Variants in CYB5R3 observed in about 807,000 individuals in gnomAD.
CYB5R3 encodes the protein NADH-cytochrome b5 reductase 3.
CYB5R3 carries 28 observed loss-of-function variants against 36.5 expected under a neutral mutation model. The ratio of observed to expected loss-of-function variants is 0.77; its 90% CI spans 0.57 to 1.05. The LOEUF (loss-of-function observed/expected upper bound fraction) is 1.05. CYB5R3 is among the 50% of genes least tolerant of loss of function. The pLI is 0.00. For missense variants in CYB5R3, 474 were observed against 408.9 expected, an observed-to-expected ratio of 1.16 and a Z score of -1.37; for synonymous variants, 181 against 159.8, an observed-to-expected ratio of 1.13 and a Z score of -1.00.
In CYB5R3 at chr22:42,649,359, G is replaced by A. The variant is rs1405166904; in HGVS notation, c.-44C>T. 4.9e-6 allele frequency: 4 copies of A among 822,366 alleles called. No individual in the cohort carries two copies. The highest frequency in any genetic ancestry group is 5.1e-5 in the Admixed American group (1 of 19,740). 50.9% of individuals were successfully genotyped at this position (822,366 alleles called of 1,614,324 possible). On this transcript the variant is annotated 5_prime_UTR_variant, in exon 1 of 9. Transcript: ENST00000352397. Reference sequence around the variant, plus strand: ...TCGCTCTGTCGCCGCCGCCGCCGCCGCCGAGACCGTCGCGCCCGGGCCCGC... The same window carrying A: ...TCGCTCTGTCGCCGCCGCCGCCGCCACCGAGACCGTCGCGCCCGGGCCCGC...
At chr22:42,640,812 C>G (rs1466664181) in intron 1 of CYB5R3, among the ~76,000 whole-genome samples, 2 of 152,264 alleles carry the variant, frequency 1.3e-5, no homozygotes, top group East Asian at 3.9e-4. Flanking sequence ...GATCCACTTC[C>G]TCTTAATGAA....
At position 42,631,433 on chromosome 22, in the gene CYB5R3, G is replaced by A. The variant is rs1601938622; in HGVS notation, c.171C>T (p.Thr57=). The change falls in exon 3 of 9, where the codon ACC becomes ACT. Residue 57 remains threonine (T), a synonymous_variant. Coordinates refer to ENST00000352397, the MANE Select transcript of CYB5R3 (RefSeq NM_000398.7). ...LIDREIISHD[T]RRFRFALPSP... ...ACGGCAGGGCAAAGCGGAAGCGCCGGGTGTCATGGCTGATGATCTGGAGAG... is the reference window on the plus strand; with the variant it reads ...ACGGCAGGGCAAAGCGGAAGCGCCGAGTGTCATGGCTGATGATCTGGAGAG... 6.4e-7 allele frequency: 1 copy of A among 1,551,626 alleles called. No homozygotes were observed. The highest frequency in any genetic ancestry group is 8.7e-7 in the Non-Finnish European group (1 of 1,146,968).
intron 7 of CYB5R3, among the ~76,000 whole-genome samples, chr22:42,624,823 G>T (rs979848760): frequency 3.9e-5 from 6 of 152,124 alleles, no homozygotes; most frequent in African/African-American, 1.4e-4. Context: ...CTCTCCCCAG[G>T]AGGCAGCCAC....
chr22:42,630,974 G>A lies in CYB5R3; in HGVS notation c.241C>T (p.Leu81Phe). ...LGLPVGQHIY[L>F]SARIDGNLVV... ...AGGTTTCCATCAATTCGAGCCGAGA[G>A]GTAGATGTGCTGGCCTGCAGGACAG... The change falls in exon 4 of 9, where the codon CTC becomes TTC. Residue 81 changes from leucine to phenylalanine, a missense_variant. Coordinates refer to ENST00000352397, the MANE Select transcript of CYB5R3 (RefSeq NM_000398.7). 6.2e-7 allele frequency: 1 copy of A among 1,613,948 alleles called. No homozygotes were observed. Among genetic ancestry groups the A allele is most frequent in the Non-Finnish European group, 8.5e-7 (1 of 1,179,950 alleles).
intron 1 of CYB5R3, among the ~76,000 whole-genome samples, chr22:42,639,593 A>T (rs987992532): frequency 2.0e-5 from 3 of 151,378 alleles, no homozygotes; most frequent in African/African-American, 2.4e-5. Flanking sequence ...ATGCCACTGG[A>T]CTCCAGCCTG....
At chr22:42,639,434 C>A (rs923652244) in intron 1 of CYB5R3, among the ~76,000 whole-genome samples, 1 of 152,026 alleles carries the variant, frequency 6.6e-6, no homozygotes, top group Non-Finnish European at 1.5e-5. Context: ...TGGAGACCAG[C>A]CTGGACAACA....
At position 42,639,335 on chromosome 22, in the gene CYB5R3, AAGT is replaced by A. The variant is rs796639992; in HGVS notation, c.22-2492_22-2490del. Among the ~76,000 whole-genome samples, 465 of 137,680 alleles carry A rather than the reference AAGT, an allele frequency of 3.4e-3. 4 individuals are homozygous for A. Among genetic ancestry groups the A allele is most frequent in the Non-Finnish European group, 4.7e-3 (307 of 65,098 alleles). 90.3% of individuals were successfully genotyped at this position (137,680 alleles called of 152,430 possible). On this transcript the variant is annotated intron_variant, in intron 1 of 8. Transcript: ENST00000352397. ...CGAGACTCTGTCTCAAAAAAAAAAA[AAGT>A]GGGGGGGGACCGGGCACGGTGGCTC...
intron 1 of CYB5R3, among the ~76,000 whole-genome samples, chr22:42,643,467 C>T (rs181393114): frequency 2.3e-4 from 30 of 130,232 alleles, no homozygotes; most frequent in Non-Finnish European, 4.3e-4. Context: ...CACCCTGCAA[C>T]GGCCCAGCAG....
intron 1 of CYB5R3, among the ~76,000 whole-genome samples, chr22:42,638,542 G>GAA (rs1214704850): frequency 8.0e-5 from 8 of 100,546 alleles, no homozygotes; most frequent in African/African-American, 2.2e-4. Context: ...TGTCTCTGTT[G>GAA]AAAAAAAAAA....
Position 42,627,332 on chromosome 22 carries a change from G to A in CYB5R3, c.605C>T (p.Thr202Ile). The change falls in exon 7 of 9, where the codon ACT becomes ATT. Residue 202 changes from threonine to isoleucine, a missense_variant. Coordinates refer to ENST00000352397, the MANE Select transcript of CYB5R3 (RefSeq NM_000398.7). ...GTTGGCAAAGAGCAGGTGGCACACA[G>A]TGTGGTCATCAGGGTCCTTCATGAT... ...RAIMKDPDDH[T>I]VCHLLFANQT... is the part of the protein sequence containing the mutation. 3 of 1,614,054 alleles carry A rather than the reference G, an allele frequency of 1.9e-6. No individual in the cohort carries two copies. Among genetic ancestry groups the A allele is most frequent in the Non-Finnish European group, 1.7e-6 (2 of 1,180,008 alleles).
chr22:42,620,942 C>A (rs2146861803), intron 8 of CYB5R3, among the ~76,000 whole-genome samples: 1 of 152,296 alleles, frequency 6.6e-6, no homozygotes, highest in East Asian at 1.9e-4. Context: ...TATAGCCCTG[C>A]ACTTGTTTTT....
At chr22:42,637,347 AT>A (rs1928953532) in intron 1 of CYB5R3, among the ~76,000 whole-genome samples, 1 of 152,138 alleles carries the variant, frequency 6.6e-6, no homozygotes, top group Admixed American at 6.5e-5. Flanking sequence ...CACTGACCAA[AT>A]GGCTCTATGG....
chr22:42,623,217 C>T (rs1240368214), intron 8 of CYB5R3, among the ~76,000 whole-genome samples: 1 of 152,248 alleles, frequency 6.6e-6, no homozygotes, highest in Non-Finnish European at 1.5e-5. Flanking sequence ...CGCTTTAACT[C>T]CCAGAGGCAA....
At chr22:42,636,922 G>A in intron 1 of CYB5R3, 76 bp from the exon 2 acceptor site, 2 of 1,568,418 alleles carry the variant, frequency 1.3e-6, no homozygotes, top group Middle Eastern at 1.7e-4. Context: ...CACACTACCA[G>A]GCCTCTGCTC....
At chr22:42,628,080 TGCACCCA>T (rs1423023712) in intron 5 of CYB5R3, 65 bp downstream of exon 5, 5 of 1,602,998 alleles carry the variant, frequency 3.1e-6, no homozygotes, top group Non-Finnish European at 4.3e-6. Flanking sequence ...GCCTGCACCC[TGCACCCA>T]GCACGCCCAA....
chr22:42,624,076 A>G (rs1292516970), intron 7 of CYB5R3, among the ~76,000 whole-genome samples, 188 bp from the exon 8 acceptor site: 1 of 152,190 alleles, frequency 6.6e-6, no homozygotes, highest in Admixed American at 6.5e-5. Context: ...GAGCCCCTCA[A>G]AGCTGCTGCT....
At chr22:42,645,208 C>G (rs1038452876) in intron 1 of CYB5R3, among the ~76,000 whole-genome samples, 1 of 152,182 alleles carries the variant, frequency 6.6e-6, no homozygotes, top group African/African-American at 2.4e-5. Context: ...TGGAGCAGAC[C>G]GCAGGATCTG....
intron 1 of CYB5R3, among the ~76,000 whole-genome samples, chr22:42,645,896 C>T (rs6002853): frequency 0.3 from 45,012 of 151,844 alleles, 6,928 homozygotes; most frequent in East Asian, 0.58. Context: ...CCATGTGCAA[C>T]GCAGGGGACA....
At chr22:42,628,055 C>A in intron 5 of CYB5R3, 97 bp downstream of exon 5, 1 of 1,536,630 alleles carries the variant, frequency 6.5e-7, no homozygotes, top group South Asian at 1.1e-5. Context: ...GTCACCCATC[C>A]ACACAGAGCC....
Sources: gnomAD v4.1 joint callset for allele counts (sites outside exome capture counted in the v4.1 genomes callset) on GRCh38, gnomAD v4.1.1 for gene constraint, MANE v1.5 for transcripts, NCBI Gene and HGNC (gene_info 2026-07-23, HGNC 2026-07-21) for gene names.